Variants in PLXNA4 observed in about 807,000 individuals in gnomAD.
PLXNA4 encodes the protein plexin A4.
In PLXNA4, 44 loss-of-function variants were observed where a neutral mutation model predicts 191.8. The observed-to-expected ratio is 0.23, with a 90% CI of 0.18 to 0.29. The LOEUF is 0.29. Among genes scored for constraint, PLXNA4 ranks in the 10% least tolerant of loss-of-function variants. The probability of loss-of-function intolerance (pLI) is 1.00; values close to 1 mark genes in which losing one functional copy is unlikely to be tolerated. For missense variants in PLXNA4, 1,800 were observed against 2,488.8 expected (o/e 0.72, Z 5.89); for synonymous variants, 1,082 against 1,009.5 (o/e 1.07, Z -1.36).
intron 3 of PLXNA4, among the ~76,000 whole-genome samples, chr7:132,363,912 G>A (rs1054227604): frequency 6.6e-6 from 1 of 152,256 alleles, no homozygotes; most frequent in Non-Finnish European, 1.5e-5. Flanking sequence ...AGGGGCACAT[G>A]GCAAATTGCC....
intron 3 of PLXNA4, among the ~76,000 whole-genome samples, chr7:132,328,331 G>A (rs970588895): frequency 1.3e-5 from 2 of 151,980 alleles, no homozygotes; most frequent in African/African-American, 4.8e-5. Context: ...TGATCTTCTC[G>A]GCCTGTGTCA....
intron 2 of PLXNA4, among the ~76,000 whole-genome samples, chr7:132,611,068 C>T (rs1438254063): frequency 6.6e-6 from 1 of 152,182 alleles, no homozygotes; most frequent in Non-Finnish European, 1.5e-5. Flanking sequence ...GGCAAGTGAG[C>T]CAGTCCCCCC....
rs753307628 is a variant in PLXNA4, at chr7:132,178,847, C to T, written c.3874+840G>A. Among the ~76,000 whole-genome samples the T allele has an allele frequency of 7.8e-4, 37 of 47,586 alleles. 1 individual carries two copies. Among genetic ancestry groups the T allele is most frequent in the Admixed American group, 1.1e-3 (7 of 6,376 alleles). 31.2% of individuals were successfully genotyped at this position (47,586 alleles called of 152,430 possible). On this transcript the variant is annotated intron_variant, in intron 20 of 31. Transcript: ENST00000321063. ...AAACACATACACATACACATATATA[C>T]ACACACACACACACACACACACACA...
chr7:132,192,159 G>T (rs181066302), intron 14 of PLXNA4, among the ~76,000 whole-genome samples: 7 of 152,160 alleles, frequency 4.6e-5, no homozygotes, highest in Non-Finnish European at 8.8e-5. Context: ...TTTCTCTAAG[G>T]TTTGGCCCTG....
At chr7:132,258,615 C>T (rs890607291) in intron 4 of PLXNA4, among the ~76,000 whole-genome samples, 1 of 152,198 alleles carries the variant, frequency 6.6e-6, no homozygotes, top group Non-Finnish European at 1.5e-5. Flanking sequence ...CCCCTGTGAT[C>T]AGTGACCCTG....
chr7:132,276,489 G>A (rs916203683), intron 4 of PLXNA4, among the ~76,000 whole-genome samples: 1 of 151,996 alleles, frequency 6.6e-6, no homozygotes, highest in East Asian at 1.9e-4. Context: ...TTGTTGATGG[G>A]TGCCTGCAGG....
At chr7:132,495,714 C>T (rs1182975661) in intron 2 of PLXNA4, among the ~76,000 whole-genome samples, 2 of 152,162 alleles carry the variant, frequency 1.3e-5, no homozygotes, top group Non-Finnish European at 2.9e-5. Context: ...GGGAAGTCCC[C>T]ACTCCTGTCC....
At chr7:132,316,390 T>A (rs917338075) in intron 3 of PLXNA4, among the ~76,000 whole-genome samples, 1 of 152,320 alleles carries the variant, frequency 6.6e-6, no homozygotes, top group East Asian at 1.9e-4. Flanking sequence ...CTTAAACGCA[T>A]GGAAAATGGT....
Position 132,508,599 on chromosome 7 carries a change from G to A in PLXNA4, c.95C>T (p.Pro32Leu), listed in dbSNP as rs562844784. Residue 32 changes from proline to leucine, a missense_variant, in exon 2 of 32, where the codon CCG becomes CTG. By Grantham distance (98) the Pro-to-Leu change is moderately conservative. Transcript: ENST00000321063. This position sits in a 1 kb window ranked among gnomAD's most constrained non-coding sequence, Gnocchi z 4.4. ...AAATGACCGCTGCTTCTGGGACAGC[G>A]GGGCTGGCTGCCGGGTGAGCAAAGT... ...SSTLLTRQPAPLSQKQRSFVT... is the reference protein window; with the variant it reads ...SSTLLTRQPALLSQKQRSFVT... The A allele has an allele frequency of 5.1e-5, 83 of 1,613,342 alleles. No homozygotes were observed. The highest frequency in any genetic ancestry group is 2.3e-4 in the Admixed American group (14 of 59,970).
At chr7:132,578,260 C>A (rs140628194), upstream of PLXNA4, among the ~76,000 whole-genome samples, 77 of 152,188 alleles carry the variant, frequency 5.1e-4, 1 homozygote, top group East Asian at 1.4e-3. Context: ...CATCCTCATA[C>A]CCGCTCCCAC....
chr7:132,563,514 CTGCTGCTCCTCCTCCTCT>C (rs1801479548), intron 1 of PLXNA4, among the ~76,000 whole-genome samples: 2 of 43,390 alleles, frequency 4.6e-5, no homozygotes, highest in Non-Finnish European at 1.6e-4. Flanking sequence ...CCTCCTCCTC[CTGCTGCTCCTCCTCCTCT>C]TTCTCCTCCT....
chr7:132,539,810 C>T (rs959445913), intron 1 of PLXNA4, among the ~76,000 whole-genome samples: 1 of 152,218 alleles, frequency 6.6e-6, no homozygotes, highest in Admixed American at 6.5e-5. Context: ...TCCACGATCA[C>T]TAGGCAACTA....
At chr7:132,278,076 C>G (rs1800343812) in intron 4 of PLXNA4, among the ~76,000 whole-genome samples, 1 of 152,146 alleles carries the variant, frequency 6.6e-6, no homozygotes, top group Non-Finnish European at 1.5e-5. Context: ...CAAATATGAC[C>G]TGACAAAGTA....
chr7:132,153,400 TAGAGGGGCAA>T (rs776433084), intron 25 of PLXNA4, among the ~76,000 whole-genome samples: 12 of 151,918 alleles, frequency 7.9e-5, no homozygotes, highest in Non-Finnish European at 1.5e-4. Flanking sequence ...AGAGCATTAT[TAGAGGGGCAA>T]AGAGGCATGA....
rs371760178 is a variant in PLXNA4 at position 132,553,935 on chromosome 7, A to G, written c.-87+22487T>C. Among the ~76,000 whole-genome samples the G allele has an allele frequency of 6.6e-5, 10 of 152,282 alleles. No individual in the cohort carries two copies. The East Asian group carries it at 1.7e-3, about 26-fold the overall frequency. On this transcript the variant is annotated intron_variant, in intron 1 of 31. Transcript: ENST00000321063. The stretch of plus-strand genomic sequence containing the variant: ...GCCAATAAAACATGAGCAGAATTTC[A>G]GCCCTTATTTGCTCCCAGCTCACAG...
chr7:132,418,052 A>C (rs2288967), intron 3 of PLXNA4, among the ~76,000 whole-genome samples: 41,435 of 152,098 alleles, frequency 0.27, 11,913 homozygotes, highest in African/African-American at 0.72. Flanking sequence ...ACTGAGTCTT[A>C]ATGACCATCC....
intron 4 of PLXNA4, among the ~76,000 whole-genome samples, chr7:132,286,813 G>A (rs912632016): frequency 7.9e-5 from 12 of 152,184 alleles, no homozygotes; most frequent in Non-Finnish European, 1.6e-4. Flanking sequence ...AGACAACATA[G>A]CTCTCTCTGA....
rs757823633 is a variant in PLXNA4, at chr7:132,507,746, G to A, written c.948C>T (p.Ser316=). 19 of 1,614,038 alleles carry A rather than the reference G, an allele frequency of 1.2e-5. No homozygotes were observed. The highest frequency in any genetic ancestry group is 1.6e-4 in the Middle Eastern group (1 of 6,084). The part of the protein sequence containing the change: ...EYRLLQAAYL[S]KAGAVLGRTL... ...TCCTGCCAAGCACGGCCCCCGCTTT[G>A]GACAGGTAGGCAGCCTGCAGCAGGC... The change falls in exon 2 of 32, where the codon TCC becomes TCT. Residue 316 remains serine, a synonymous_variant. Transcript: ENST00000321063.
At chr7:132,538,189 C>T (rs191605264) in intron 1 of PLXNA4, among the ~76,000 whole-genome samples, 1 of 152,322 alleles carries the variant, frequency 6.6e-6, no homozygotes, top group Admixed American at 6.5e-5. Flanking sequence ...GCACCTGCAC[C>T]ACCTTCCTCT....
Sources: allele counts gnomAD v4.1 joint callset (sites outside exome capture counted in the v4.1 genomes callset), GRCh38; gene constraint gnomAD v4.1.1; non-coding constraint Gnocchi (gnomAD v3.1); transcripts MANE v1.5; gene names NCBI Gene and HGNC (gene_info 2026-07-23, HGNC 2026-07-21).